Variants in CACNA1B observed in about 807,000 individuals in gnomAD.
CACNA1B encodes the protein calcium voltage-gated channel subunit alpha1 B.
Under a neutral mutation model 247.2 loss-of-function variants are expected in CACNA1B, and 70 were observed. That is an observed-to-expected ratio of 0.28 (90% CI 0.23 to 0.35). The LOEUF is 0.35. Ranked by LOEUF, CACNA1B falls within the 10% of genes least tolerant of loss-of-function variation. CACNA1B has a pLI of 1.00. For synonymous variants in CACNA1B, 1,231 were observed against 1,294.4 expected, an observed-to-expected ratio of 0.95 and a Z score of 1.05; for missense variants, 2,367 against 3,197.4, an observed-to-expected ratio of 0.74 and a Z score of 6.26.
chr9:137,885,200 A>G (rs1345477712), intron 3 of CACNA1B, among the ~76,000 whole-genome samples: 1 of 151,282 alleles, frequency 6.6e-6, no homozygotes, highest in African/African-American at 2.4e-5. Flanking sequence ...TGGGTTGTGC[A>G]GGGAACCCCG....
chr9:137,932,977 G>C (rs1234078317), intron 6 of CACNA1B, among the ~76,000 whole-genome samples: 2 of 151,766 alleles, frequency 1.3e-5, no homozygotes, highest in East Asian at 3.9e-4. Context: ...CTGTCGCCTA[G>C]GCTGGAGTGC....
At chr9:138,061,109 A>G (rs761287188) in intron 31 of CACNA1B, among the ~76,000 whole-genome samples, 5 of 152,254 alleles carry the variant, frequency 3.3e-5, no homozygotes, top group Non-Finnish European at 5.9e-5. Context: ...TCATAGGAGC[A>G]TGGAGAAAGG....
chr9:138,094,527 C>CACATTCTG (rs1221502860), intron 36 of CACNA1B, among the ~76,000 whole-genome samples: 1 of 149,868 alleles, frequency 6.7e-6, no homozygotes, highest in African/African-American at 2.5e-5. Context: ...CACTTCCTAA[C>CACATTCTG]ACATTCTGTG....
intron 6 of CACNA1B, among the ~76,000 whole-genome samples, chr9:137,946,479 C>A (rs369433896): frequency 6.6e-6 from 1 of 152,144 alleles, no homozygotes; most frequent in African/African-American, 2.4e-5. Context: ...AGAGTCCTTC[C>A]CCCTTCCAGG....
chr9:137,924,280 G>A (rs979135424), intron 6 of CACNA1B, among the ~76,000 whole-genome samples: 4 of 151,518 alleles, frequency 2.6e-5, no homozygotes, highest in Non-Finnish European at 5.9e-5. Context: ...TAATAAAAGT[G>A]TGAGGTTTTT....
chr9:138,120,287 C>T lies in CACNA1B; in HGVS notation c.6153C>T (p.His2051=). Residue 2051 remains histidine (H), a synonymous_variant, in exon 45 of 47, where the codon CAC becomes CAT. Transcript: ENST00000371372. ...RPPPSQASSH[H]HHHRCHRRRD... ...CCCCTAGCCAGGCGTCGTCGCACCA[C>T]CACCACCACCGCTGCCACCGCCGCA... The T allele has an allele frequency of 6.4e-7, 1 of 1,572,600 alleles. No individual in the cohort carries two copies. The highest frequency in any genetic ancestry group is 8.6e-7 in the Non-Finnish European group (1 of 1,161,196).
rs181095015 is a variant in CACNA1B, at chr9:137,956,763, C to T, written c.1187-8C>T. 608 of 1,613,458 alleles carry T rather than the reference C, an allele frequency of 3.8e-4. 1 individual carries two copies. Among genetic ancestry groups the T allele is most frequent in the Admixed American group, 1.3e-3 (78 of 60,004 alleles). The stretch of plus-strand genomic sequence containing the variant: ...GGGCTCTGACCTGAGGCTGTGTTCC[C>T]CTCGCAGAGGAAGTCATGCTGGCCG... On this transcript the variant is annotated splice_region_variant and splice_polypyrimidine_tract_variant and intron_variant, in intron 8 of 46. Transcript: ENST00000371372.
chr9:138,050,872 T>C lies in CACNA1B; in HGVS notation c.3711-1220T>C, dbSNP rs913077155. ...CGTTTCAGGGGGAGTTTGATCTGAT[T>C]CTGGAGTGTAGCCTACAGTCAGGGG... On this transcript the variant is annotated intron_variant, in intron 24 of 46. Coordinates refer to ENST00000371372, the MANE Select transcript of CACNA1B (RefSeq NM_000718.4). This position sits in a 1 kb window ranked among gnomAD's most constrained non-coding sequence, Gnocchi z 5.2. 2.0e-5 allele frequency among the ~76,000 whole-genome samples: 3 copies of C among 152,066 alleles called. No homozygotes were observed. Among genetic ancestry groups the C allele is most frequent in the African/African-American group, 7.2e-5 (3 of 41,416 alleles).
intron 7 of CACNA1B, among the ~76,000 whole-genome samples, chr9:137,953,420 A>G (rs1383964326): frequency 6.6e-6 from 1 of 152,190 alleles, no homozygotes; most frequent in East Asian, 1.9e-4. Context: ...GCAGGACAGG[A>G]GCAGCCAGAG....
intron 6 of CACNA1B, among the ~76,000 whole-genome samples, chr9:137,936,066 C>T (rs892106184): frequency 7.9e-5 from 12 of 152,330 alleles, no homozygotes; most frequent in Admixed American, 2.6e-4. Flanking sequence ...ACCGTGTTAG[C>T]CAGGATGGTC....
chr9:137,979,702 C>A (rs1219742343), intron 12 of CACNA1B, among the ~76,000 whole-genome samples: 1 of 152,184 alleles, frequency 6.6e-6, no homozygotes, highest in African/African-American at 2.4e-5. Flanking sequence ...TTATCCATTA[C>A]AGTATCAGCT....
chr9:138,082,330 C>A lies in CACNA1B; in HGVS notation c.5094+4072C>A, dbSNP rs574415793. Among the ~76,000 whole-genome samples the A allele has an allele frequency of 4.6e-4, 69 of 151,400 alleles. 3 individuals carry two copies. The highest frequency in any genetic ancestry group is 1.6e-3 in the African/African-American group (66 of 41,050). On this transcript the variant is annotated intron_variant, in intron 36 of 46. Transcript: ENST00000371372. Reference sequence around the variant, plus strand: ...GAGTTTAATTGAGCAAAGAATGATTCGCAAGTTGTGCAGCCTCCTGAGTCT... The same window carrying A: ...GAGTTTAATTGAGCAAAGAATGATTAGCAAGTTGTGCAGCCTCCTGAGTCT...
At chr9:138,047,313 C>A in intron 22 of CACNA1B, 86 bp from the exon 23 acceptor site, 1 of 1,004,500 alleles carries the variant, frequency 1.0e-6, no homozygotes, top group Non-Finnish European at 1.6e-6. Flanking sequence ...TGCTCAGAGG[C>A]CTGGAGGAAA....
intron 15 of CACNA1B, among the ~76,000 whole-genome samples, chr9:137,992,695 A>G (rs1247984115): frequency 1.3e-5 from 2 of 152,026 alleles, no homozygotes; most frequent in South Asian, 2.1e-4. Flanking sequence ...AGGCCACAAA[A>G]CAAGTCTCGG....
intron 36 of CACNA1B, among the ~76,000 whole-genome samples, chr9:138,093,713 C>A (rs537216210): frequency 3.3e-5 from 5 of 151,404 alleles, no homozygotes; most frequent in African/African-American, 9.7e-5. Flanking sequence ...GCACTCCAGC[C>A]TGGGAGACAG....
chr9:137,911,285 T>C lies in CACNA1B; in HGVS notation c.531-1895T>C, dbSNP rs187786110. ...ACTGTTTTTATCTGAACAAAATTCC[T>C]CTTTCAATAGTTGATCCTGCTGAAT... is the stretch of plus-strand genomic sequence containing the variant. On this transcript the variant is annotated intron_variant, in intron 3 of 46. Transcript: ENST00000371372. 1.4e-3 allele frequency among the ~76,000 whole-genome samples: 207 copies of C among 152,388 alleles called. 1 individual carries two copies. Among genetic ancestry groups the C allele is most frequent in the African/African-American group, 4.9e-3 (204 of 41,604 alleles).
intron 20 of CACNA1B, among the ~76,000 whole-genome samples, chr9:138,035,728 CTTAT>C (rs1202865491): frequency 2.0e-5 from 3 of 152,010 alleles, no homozygotes; most frequent in East Asian, 1.9e-4. Flanking sequence ...AGTTTCTGTT[CTTAT>C]TTATTATTTC....
Position 137,919,653 on chromosome 9 carries a change from T to C in CACNA1B, c.966+2222T>C, listed in dbSNP as rs1957454938. ...TGTGGCCCCTCGGATATACGCTCCT[T>C]CAAGCAATGACATCTGGGTTCTTTG... On this transcript the variant is annotated intron_variant, in intron 6 of 46. Transcript: ENST00000371372. This position sits in a 1 kb window ranked among gnomAD's most constrained non-coding sequence, Gnocchi z 4.6. Among the ~76,000 whole-genome samples the C allele has an allele frequency of 6.6e-6, 1 of 152,208 alleles. No individual in the cohort carries two copies. Among genetic ancestry groups the C allele is most frequent in the African/African-American group, 2.4e-5 (1 of 41,458 alleles).
At chr9:137,904,676 C>T (rs536307083) in intron 3 of CACNA1B, among the ~76,000 whole-genome samples, 1 of 152,088 alleles carries the variant, frequency 6.6e-6, no homozygotes, top group Non-Finnish European at 1.5e-5. Flanking sequence ...TCCGCCTCCC[C>T]CCTCCTCCTG....
Sources: gnomAD v4.1 joint callset for allele counts (sites outside exome capture counted in the v4.1 genomes callset) on GRCh38, gnomAD v4.1.1 for gene constraint, Gnocchi (gnomAD v3.1) non-coding constraint, MANE v1.5 for transcripts, NCBI Gene and HGNC (gene_info 2026-07-23, HGNC 2026-07-21) for gene names.